VPS13C: variants seen among roughly 807,000 people sequenced by gnomAD.
VPS13C encodes intermembrane lipid transfer protein VPS13C.
In VPS13C, 358 loss-of-function variants were observed where a neutral mutation model predicts 456.8. The observed-to-expected ratio is 0.78, with a 90% CI of 0.72 to 0.86. The LOEUF is 0.86. VPS13C is among the 40% of genes least tolerant of loss of function. The pLI is 0.00. For synonymous variants in VPS13C, 1,578 were observed against 1,486.7 expected, an observed-to-expected ratio of 1.06 and a Z score of -1.41; for missense variants, 4,818 against 4,385.4, an observed-to-expected ratio of 1.10 and a Z score of -2.79.
intron 6 of VPS13C, among the ~76,000 whole-genome samples, chr15:62,026,907 G>A (rs2047659640): frequency 6.6e-6 from 1 of 152,062 alleles, no homozygotes; most frequent in Non-Finnish European, 1.5e-5. Context: ...CTACAGTCTG[G>A]TGCCACTGCC....
Position 61,962,782 on chromosome 15 carries a change from G to A in VPS13C, c.3402C>T (p.Val1134=). ...GAACTGTCTTTGGATCAACATCTGT[G>A]ACAATAATATTTTCTAGTCGGGCAA... is the stretch of plus-strand genomic sequence containing the variant. The part of the protein sequence containing the change: ...SLFARLENII[V]TDVDPKTVHK... The change falls in exon 33 of 85, where the codon GTC becomes GTT. Residue 1134 remains valine, a synonymous_variant. Coordinates refer to ENST00000644861, the MANE Select transcript of VPS13C (RefSeq NM_020821.3). 6.2e-7 allele frequency: 1 copy of A among 1,606,878 alleles called. No homozygotes were observed. Among genetic ancestry groups the A allele is most frequent in the Non-Finnish European group, 8.5e-7 (1 of 1,175,588 alleles).
chr15:62,029,701 AT>A (rs373576913), intron 5 of VPS13C, among the ~76,000 whole-genome samples: 1,736 of 152,164 alleles, frequency 0.011, 36 homozygotes, highest in African/African-American at 0.038. Flanking sequence ...GGACTCTCTA[AT>A]TTTTCTGCTT....
intron 42 of VPS13C, 151 bp from the exon 43 acceptor site, chr15:61,947,460 T>G (rs1203541102): frequency 1.9e-6 from 1 of 518,872 alleles, no homozygotes; most frequent in East Asian, 3.4e-5. Flanking sequence ...ACATAAATTT[T>G]GGAATAATTA....
intron 66 of VPS13C, among the ~76,000 whole-genome samples, chr15:61,898,792 G>C (rs1365189796): frequency 9.9e-6 from 1 of 101,084 alleles, no homozygotes; most frequent in African/African-American, 3.7e-5. Flanking sequence ...CAAATCAACA[G>C]AATATACATT....
In VPS13C at chr15:61,863,531, G is replaced by A; in HGVS notation, c.10864-3C>T. ...CCTTCCAACTTTTTGATATGATTCT[G>A]AAAAGGAAACCAGGCTCTAGATTTG... On this transcript the variant is annotated splice_region_variant and splice_polypyrimidine_tract_variant and intron_variant, in intron 81 of 84. Transcript: ENST00000644861. The A allele has an allele frequency of 6.2e-7, 1 of 1,609,144 alleles. No homozygotes were observed. The highest frequency in any genetic ancestry group is 1.7e-4 in the Middle Eastern group (1 of 6,044).
At chr15:61,914,114 G>C (rs1265156038) in intron 61 of VPS13C, among the ~76,000 whole-genome samples, 3 of 152,118 alleles carry the variant, frequency 2.0e-5, no homozygotes, top group Non-Finnish European at 2.9e-5. Context: ...AGGACAACTA[G>C]AGGTCAGACA....
chr15:61,954,456 TG>T lies in VPS13C; in HGVS notation c.4263del (p.Asp1421GlufsTer7). The T allele has an allele frequency of 6.2e-7, 1 of 1,607,954 alleles. No individual in the cohort carries two copies. Among genetic ancestry groups the T allele is most frequent in the Non-Finnish European group, 8.5e-7 (1 of 1,177,860 alleles). On this transcript the variant is annotated frameshift_variant, in exon 38 of 85. Transcript: ENST00000644861. LOFTEE classifies it high-confidence loss of function. The part of the protein sequence containing the change: ...TTGVEEIRSV[D>X]IINMLLNFEI... ...TCAAAATTCAGCAGCATATTAATGA[TG>T]TCTACAGACCTAATTTCTTCCACTC...
chr15:62,039,487 A>G (rs1359266265), intron 3 of VPS13C, among the ~76,000 whole-genome samples: 3 of 152,146 alleles, frequency 2.0e-5, no homozygotes. Context: ...ACCAGAATAT[A>G]TAAGGAACTC....
At chr15:62,005,561 C>A (rs866828471) in intron 15 of VPS13C, among the ~76,000 whole-genome samples, 1 of 151,102 alleles carries the variant, frequency 6.6e-6, no homozygotes, top group South Asian at 2.1e-4. Flanking sequence ...CCTGTCATTA[C>A]GATGTTAGCT....
chr15:61,872,070 T>C (rs762617771), intron 78 of VPS13C, 36 bp from the exon 79 acceptor site: 4 of 1,591,254 alleles, frequency 2.5e-6, no homozygotes, highest in Non-Finnish European at 2.6e-6. Flanking sequence ...TTAGACTGAA[T>C]GGAAGGTGTT....
Position 62,000,584 on chromosome 15 carries a change from T to C in VPS13C, c.1333A>G (p.Arg445Gly). 6.2e-7 allele frequency: 1 copy of C among 1,608,596 alleles called. No individual in the cohort carries two copies. The highest frequency in any genetic ancestry group is 8.5e-7 in the Non-Finnish European group (1 of 1,178,250). The change falls in exon 16 of 85, where the codon AGG becomes GGG. Residue 445 changes from arginine (R) to glycine (G), a missense_variant. Transcript: ENST00000644861. Reference protein sequence around the residue: ...TLDVFNIILARQQAQVEVIRS... With the variant: ...TLDVFNIILAGQQAQVEVIRS... The stretch of plus-strand genomic sequence containing the variant: ...ATTACCTCAACTTGTGCTTGTTGCC[T>C]TGCTAAAATTATGTTAAAAACATCT...
At chr15:62,002,090 C>G (rs780562115) in intron 15 of VPS13C, among the ~76,000 whole-genome samples, 42 of 152,244 alleles carry the variant, frequency 2.8e-4, no homozygotes, top group African/African-American at 1.0e-3. Context: ...TGAGGAATCC[C>G]CACGCTGACT....
intron 38 of VPS13C, among the ~76,000 whole-genome samples, chr15:61,953,929 C>T (rs539924331): frequency 1.0e-3 from 159 of 152,260 alleles, no homozygotes; most frequent in African/African-American, 3.5e-3. Context: ...TCAGACTCTA[C>T]GCCTTTTACC....
rs375587474 is a variant in VPS13C at position 61,903,327 on chromosome 15, C to A, written c.9105+3937G>T. On this transcript the variant is annotated intron_variant, in intron 66 of 84. Transcript: ENST00000644861. ...CTCCAGCCCAGGTGACAGAGCGAGA[C>A]CCTGTCTCCAAAAAAAAAAATCAAC... 7.3e-5 allele frequency among the ~76,000 whole-genome samples: 11 copies of A among 151,272 alleles called. No individual in the cohort carries two copies. In the East Asian group the frequency reaches 1.6e-3, roughly 21 times the overall value.
chr15:61,948,315 A>G (rs2044672833), intron 42 of VPS13C, among the ~76,000 whole-genome samples: 1 of 152,210 alleles, frequency 6.6e-6, no homozygotes, highest in South Asian at 2.1e-4. Context: ...TGACAAGTAC[A>G]TTAAAGACAA....
rs1298744718 is a variant in VPS13C, at chr15:61,858,317, A to ACCATCTATCTATCTATCTAT, written c.10953-1909_10953-1908insATAGATAGATAGATAGATGG. 6.8e-6 allele frequency among the ~76,000 whole-genome samples: 1 copy of ACCATCTATCTATCTATCTAT among 147,544 alleles called. No individual in the cohort carries two copies. Among genetic ancestry groups the ACCATCTATCTATCTATCTAT allele is most frequent in the African/African-American group, 2.5e-5 (1 of 39,726 alleles). On this transcript the variant is annotated intron_variant, in intron 82 of 84. Coordinates refer to ENST00000644861, the MANE Select transcript of VPS13C (RefSeq NM_020821.3). This position sits in a 1 kb window ranked among gnomAD's most constrained non-coding sequence, Gnocchi z 4.4. ...ACTCGAGATTTTTATCCAAACTCCAACTATCTATCTATCTATCTATCTATC... is the reference window on the plus strand; with the variant it reads ...ACTCGAGATTTTTATCCAAACTCCAACCATCTATCTATCTATCTATCTATCTATCTATCTATCTATCTATC...
intron 5 of VPS13C, among the ~76,000 whole-genome samples, chr15:62,028,625 C>T (rs2047716533): frequency 6.6e-6 from 1 of 152,056 alleles, no homozygotes; most frequent in South Asian, 2.1e-4. Context: ...ACACAAACTT[C>T]TTAACAATTA....
At chr15:61,910,116 T>G (rs997768092) in intron 64 of VPS13C, 61 bp downstream of exon 64, 2 of 1,000,500 alleles carry the variant, frequency 2.0e-6, no homozygotes, top group African/African-American at 3.5e-5. Context: ...CCCTAGAACT[T>G]AAAGTATAAT....
intron 1 of VPS13C, among the ~76,000 whole-genome samples, chr15:62,045,851 C>CA (rs1199666790): frequency 7.9e-5 from 12 of 151,074 alleles, no homozygotes; most frequent in Admixed American, 7.3e-4. Flanking sequence ...GTATTATAAA[C>CA]AAAAAAAAGT....
Sources: allele counts gnomAD v4.1 joint callset (sites outside exome capture counted in the v4.1 genomes callset), GRCh38; gene constraint gnomAD v4.1.1; non-coding constraint Gnocchi (gnomAD v3.1); transcripts MANE v1.5; gene names NCBI Gene and HGNC (gene_info 2026-07-23, HGNC 2026-07-21).